Variants in CALCOCO2 observed in about 807,000 individuals in gnomAD.
CALCOCO2 encodes calcium-binding and coiled-coil domain-containing protein 2.
CALCOCO2 carries 42 observed loss-of-function variants against 62.5 expected under a neutral mutation model. The observed-to-expected ratio is 0.67, with a 90% CI of 0.53 to 0.87. The LOEUF (loss-of-function observed/expected upper bound fraction) is 0.87. Among genes scored for constraint, CALCOCO2 ranks in the 40% least tolerant of loss-of-function variants. CALCOCO2 has a pLI of 0.00. For missense variants in CALCOCO2, 456 were observed against 515.0 expected, an observed-to-expected ratio of 0.89 and a Z score of 1.11; for synonymous variants, 167 against 173.0, an observed-to-expected ratio of 0.97 and a Z score of 0.27.
chr17:48,854,396 AT>A (rs1226127478), intron 9 of CALCOCO2, among the ~76,000 whole-genome samples: 4 of 1,914 alleles, frequency 2.1e-3, no homozygotes, highest in African/African-American at 2.5e-3. Context: ...ATATATATAT[AT>A]TTTTTTTTTT....
chr17:48,844,997 G>A (rs896887940), intron 2 of CALCOCO2, among the ~76,000 whole-genome samples: 61 of 152,172 alleles, frequency 4.0e-4, no homozygotes, highest in Non-Finnish European at 6.9e-4. Context: ...TTAGCCAGGC[G>A]TGGTGGCACC....
At chr17:48,831,554 T>A (rs2039813055) in intron 1 of CALCOCO2, 1 of 152,282 alleles carries the variant, frequency 6.6e-6, no homozygotes, top group African/African-American at 2.4e-5. Flanking sequence ...CCTTTACGAG[T>A]AGGTTTGATC....
At position 48,852,924 on chromosome 17, in the gene CALCOCO2, A is replaced by G. The variant is rs762641191; in HGVS notation, c.826-2A>G. The G allele has an allele frequency of 5.0e-6, 8 of 1,609,896 alleles. No homozygotes were observed. The South Asian group carries it at 8.8e-5, about 18-fold the overall frequency. On this transcript the variant is annotated splice_acceptor_variant, in intron 8 of 12. Coordinates refer to ENST00000258947, the MANE Select transcript of CALCOCO2 (RefSeq NM_005831.5). LOFTEE classifies it high-confidence loss of function. Reference sequence around the variant, plus strand: ...ATGGTACTGAAATCTCTTTTTGTGCAGAGGAAGGACCAGAAGAAGCTCGAG... The same window carrying G: ...ATGGTACTGAAATCTCTTTTTGTGCGGAGGAAGGACCAGAAGAAGCTCGAG...
chr17:48,854,607 T>C (rs2040186496), intron 9 of CALCOCO2, among the ~76,000 whole-genome samples: 1 of 150,200 alleles, frequency 6.7e-6, no homozygotes, highest in Non-Finnish European at 1.5e-5. Context: ...GGTTTTGCCA[T>C]GTTGGCTAGG....
intron 1 of CALCOCO2, among the ~76,000 whole-genome samples, chr17:48,838,414 G>T (rs2143578137): frequency 6.6e-6 from 1 of 151,912 alleles, no homozygotes; most frequent in East Asian, 1.9e-4. Flanking sequence ...GACAGAAATT[G>T]GGCATAAGAC....
At chr17:48,847,135 GA>G (rs953833880) in intron 2 of CALCOCO2, among the ~76,000 whole-genome samples, 13 of 151,896 alleles carry the variant, frequency 8.6e-5, no homozygotes, top group Non-Finnish European at 1.6e-4. Context: ...CATGCATGAA[GA>G]AAAAAAATTA....
At chr17:48,841,112 A>C (rs1422033063) in intron 1 of CALCOCO2, among the ~76,000 whole-genome samples, 1 of 152,210 alleles carries the variant, frequency 6.6e-6, no homozygotes, top group Admixed American at 6.5e-5. Flanking sequence ...GCCCAATGCC[A>C]CAAATTTAAT....
intron 9 of CALCOCO2, among the ~76,000 whole-genome samples, chr17:48,854,658 G>A (rs371702139): frequency 6.6e-6 from 1 of 150,806 alleles, no homozygotes; most frequent in Non-Finnish European, 1.5e-5. Context: ...CACCCACCTC[G>A]GCCTCCCAAA....
At chr17:48,850,963 T>A (rs989584729) in intron 5 of CALCOCO2, 126 bp from the exon 6 acceptor site, 25 of 615,172 alleles carry the variant, frequency 4.1e-5, no homozygotes, top group African/African-American at 1.1e-4. Flanking sequence ...GAGTATTTCA[T>A]TTACTGCTGT....
chr17:48,852,075 T>G (rs1157419017), intron 7 of CALCOCO2, among the ~76,000 whole-genome samples: 3 of 151,688 alleles, frequency 2.0e-5, no homozygotes, highest in Non-Finnish European at 4.4e-5. Flanking sequence ...GAGGCAAAGG[T>G]TGCAGTGAAT....
At chr17:48,846,560 G>A (rs1280079459) in intron 2 of CALCOCO2, 6 of 824,572 alleles carry the variant, frequency 7.3e-6, no homozygotes, top group Non-Finnish European at 1.2e-5. Flanking sequence ...ATAATTCTTA[G>A]GCCTTCCCAA....
Position 48,862,995 on chromosome 17 carries a change from A to ACT in CALCOCO2, c.1338_1339dup (p.Ter447SerfsTer16). 2 of 1,611,562 alleles carry ACT rather than the reference A, an allele frequency of 1.2e-6. No individual in the cohort carries two copies. Among genetic ancestry groups the ACT allele is most frequent in the African/African-American group, 2.7e-5 (2 of 74,952 alleles). ...ATCTTTGAAGACCACGTGTTCTGCCACTCTCTCTGAGTATCCCAACCTCTT... is the reference window on the plus strand; with the variant it reads ...ATCTTTGAAGACCACGTGTTCTGCCACTCTCTCTCTGAGTATCCCAACCTCTT... On this transcript the variant is annotated frameshift_variant, in exon 13 of 13. Transcript: ENST00000258947. LOFTEE classifies it high-confidence loss of function.
rs1378115998 is a variant in CALCOCO2 at position 48,857,972 on chromosome 17, A to ATGAATTGAATTGAAT, written c.1008+1786_1008+1787insGAATTGAATTGAATT. Among the ~76,000 whole-genome samples the ATGAATTGAATTGAAT allele has an allele frequency of 7.9e-4, 56 of 71,048 alleles. 2 individuals carry two copies. Among genetic ancestry groups the ATGAATTGAATTGAAT allele is most frequent in the South Asian group, 2.7e-3 (5 of 1,840 alleles). The allele number at this position is 71,048 out of a possible 152,430, so 46.6% of individuals were successfully genotyped here. The stretch of plus-strand genomic sequence containing the variant: ...AGCCTGGCTGACAGAGCAAGACTAC[A>ATGAATTGAATTGAAT]TCAATAGAATAGAATAGAATAGAAT... On this transcript the variant is annotated intron_variant, in intron 10 of 12. Transcript: ENST00000258947.
Position 48,848,466 on chromosome 17 carries a change from C to A in CALCOCO2, c.417+11C>A. On this transcript the variant is annotated intron_variant, in intron 4 of 12. Coordinates refer to ENST00000258947, the MANE Select transcript of CALCOCO2 (RefSeq NM_005831.5). Reference sequence around the variant, plus strand: ...GTTGTTACCACTCAGGTTTGTAAAACTTCTCACCTCAATCCCTTACTGCCA... The same window carrying A: ...GTTGTTACCACTCAGGTTTGTAAAAATTCTCACCTCAATCCCTTACTGCCA... 6.2e-7 allele frequency: 1 copy of A among 1,612,374 alleles called. No homozygotes were observed. Among genetic ancestry groups the A allele is most frequent in the Non-Finnish European group, 8.5e-7 (1 of 1,178,524 alleles).
At position 48,841,845 on chromosome 17, in the gene CALCOCO2, G is replaced by A. The variant is rs997409675; in HGVS notation, c.138G>A (p.Gln46=). 4 of 1,612,716 alleles carry A rather than the reference G, an allele frequency of 2.5e-6. No individual in the cohort carries two copies. The highest frequency in any genetic ancestry group is 3.3e-4 in the Middle Eastern group (2 of 6,058). ...GDVTCHYTFT[Q]HFIPRRKDWI... is the part of the protein sequence containing the mutation. Reference sequence around the variant, plus strand: ...TCACATGTCATTATACCTTCACCCAGCATTTCATCCCTCGTCGAAAGGATT... The same window carrying A: ...TCACATGTCATTATACCTTCACCCAACATTTCATCCCTCGTCGAAAGGATT... Residue 46 remains glutamine, a synonymous_variant, in exon 2 of 13, where the codon CAG becomes CAA. Transcript: ENST00000258947.
Position 48,848,414 on chromosome 17 carries a change from C to A in CALCOCO2, c.376C>A (p.Arg126Ser). 6.2e-7 allele frequency: 1 copy of A among 1,613,854 alleles called. No homozygotes were observed. Among genetic ancestry groups the A allele is most frequent in the Non-Finnish European group, 8.5e-7 (1 of 1,179,796 alleles). Reference protein sequence around the residue: ...VRGASIPFQFRPENEEDILVV... With the variant: ...VRGASIPFQFSPENEEDILVV... Reference sequence around the variant, plus strand: ...GGGAGCAAGTATTCCTTTCCAATTCCGTCCAGAAAATGAGGAAGACATCCT... The same window carrying A: ...GGGAGCAAGTATTCCTTTCCAATTCAGTCCAGAAAATGAGGAAGACATCCT... The change falls in exon 4 of 13, where the codon CGT (arginine) becomes AGT (serine). Residue 126 changes from arginine (R) to serine (S), a missense_variant. By Grantham distance (110) the Arg-to-Ser change is moderately radical. Around this residue, in one of 3 missense-constraint regions of CALCOCO2, gnomAD observed 236 missense variants for 225.3 expected, o/e 1.05. Transcript: ENST00000258947.
In CALCOCO2 at chr17:48,849,367, A is replaced by C; in HGVS notation, c.533A>C (p.Gln178Pro). The change falls in exon 5 of 13, where the codon CAA (glutamine) becomes CCA (proline). Residue 178 changes from glutamine to proline, a missense_variant. Transcript: ENST00000258947. ...KQNSDMQAEL[Q>P]KKQEELETLQ... is the part of the protein sequence containing the mutation. The stretch of plus-strand genomic sequence containing the variant: ...AACTCAGACATGCAGGCTGAGCTCC[A>C]AAAGAAGCAGGTATGGCTGCTGGTT... 4 of 1,613,198 alleles carry C rather than the reference A, an allele frequency of 2.5e-6. No individual in the cohort carries two copies. The highest frequency in any genetic ancestry group is 2.2e-5 in the South Asian group (2 of 91,034).
chr17:48,856,296 G>A, intron 10 of CALCOCO2, 109 bp downstream of exon 10: 1 of 606,860 alleles, frequency 1.6e-6, no homozygotes, highest in Non-Finnish European at 2.9e-6. Flanking sequence ...TTCTGGGACA[G>A]TGGGTGAAAC....
At chr17:48,848,189 G>A (rs1423579530) in intron 3 of CALCOCO2, 23 bp downstream of exon 3, 1 of 1,555,402 alleles carries the variant, frequency 6.4e-7, no homozygotes, top group Non-Finnish European at 8.9e-7. Context: ...CTGGATCAAA[G>A]GTGTTGAAGA....
Sources: gnomAD v4.1 joint callset for allele counts (sites outside exome capture counted in the v4.1 genomes callset) on GRCh38, gnomAD v4.1.1 for gene constraint, gnomAD v4.1.1 regional missense constraint, MANE v1.5 for transcripts, NCBI Gene and HGNC (gene_info 2026-07-23, HGNC 2026-07-21) for gene names.